The following MAP4K1 variants were observed in gnomAD, a reference collection of about 807,000 sequenced individuals.
The protein encoded by MAP4K1 is MAPK/ERK kinase kinase kinase 1.
In MAP4K1, 35 loss-of-function variants were observed where a neutral mutation model predicts 122.8. That is an observed-to-expected ratio of 0.29 (90% confidence interval 0.22 to 0.38). The LOEUF (loss-of-function observed/expected upper bound fraction) is 0.38. Among genes scored for constraint, MAP4K1 ranks in the 10% least tolerant of loss-of-function variants. The pLI is 1.00. For missense variants in MAP4K1, 791 were observed against 1,072.6 expected (o/e 0.74, Z 3.67); for synonymous variants, 412 against 421.3 (o/e 0.98, Z 0.27).
chr19:38,599,390 G>GGTGGCTCAT (rs1298150484), intron 22 of MAP4K1, among the ~76,000 whole-genome samples: 1 of 149,898 alleles, frequency 6.7e-6, no homozygotes, highest in Non-Finnish European at 1.5e-5. Flanking sequence ...GGCCAGGTGT[G>GGTGGCTCAT]GTGGCTCATG....
Position 38,617,896 on chromosome 19 carries a change from C to A in MAP4K1, c.-1G>T. The stretch of plus-strand genomic sequence containing the variant: ...AAATGTCAGGGTCCACGACGTCCAT[C>A]CCTGGGGGCCTGAGCTGGGCCTGCG... On this transcript the variant is annotated 5_prime_UTR_variant, in exon 1 of 31. Coordinates refer to ENST00000396857, the MANE Select transcript of MAP4K1 (RefSeq NM_001042600.3). This position sits in a 1 kb window ranked among gnomAD's most constrained non-coding sequence, Gnocchi z 4.1. The A allele has an allele frequency of 1.2e-6, 2 of 1,613,842 alleles. No individual in the cohort carries two copies. The highest frequency in any genetic ancestry group is 1.7e-6 in the Non-Finnish European group (2 of 1,179,722).
Position 38,613,919 on chromosome 19 carries a change from G to A in MAP4K1, c.494C>T (p.Thr165Ile). ...AATGAAAGAGAGGCGTCTGGCCAGT[G>A]TAGCCCCAATCTGGGCCGAGATGCC... ...DFGISAQIGA[T>I]LARRLSFIGT... Residue 165 changes from threonine (T) to isoleucine (I), a missense_variant, in exon 8 of 31, where the codon ACA (threonine) becomes ATA (isoleucine). Transcript: ENST00000396857. The A allele has an allele frequency of 6.2e-7, 1 of 1,613,768 alleles. No individual in the cohort carries two copies.
chr19:38,609,564 G>A (rs1196799978), intron 13 of MAP4K1, 32 bp downstream of exon 13: 1 of 1,596,818 alleles, frequency 6.3e-7, no homozygotes, highest in African/African-American at 1.3e-5. Flanking sequence ...TATAGGGTCA[G>A]GTGTCCCCAA....
chr19:38,595,066 C>G (rs1353222523), intron 29 of MAP4K1, among the ~76,000 whole-genome samples: 1 of 152,026 alleles, frequency 6.6e-6, no homozygotes, highest in African/African-American at 2.4e-5. Context: ...GGGTGAATCA[C>G]CCCAGGTCAA....
chr19:38,615,242 G>A (rs1246218275), intron 4 of MAP4K1, among the ~76,000 whole-genome samples: 1 of 151,812 alleles, frequency 6.6e-6, no homozygotes, highest in African/African-American at 2.4e-5. Flanking sequence ...TGGAGGGGGA[G>A]GAGGAAAGTG....
rs1442055418 is a variant in MAP4K1 at position 38,604,731 on chromosome 19, A to C, written c.1446+678T>G. 2.0e-5 allele frequency among the ~76,000 whole-genome samples: 3 copies of C among 150,896 alleles called. No homozygotes were observed. The East Asian group carries it at 5.9e-4, about 30-fold the overall frequency. Reference sequence around the variant, plus strand: ...TGTGAACCTGGGAGGCGGAGCTTGCAGTGAGCCGAGATCGCGCCACTGCAC... The same window carrying C: ...TGTGAACCTGGGAGGCGGAGCTTGCCGTGAGCCGAGATCGCGCCACTGCAC... On this transcript the variant is annotated intron_variant, in intron 19 of 30. Coordinates refer to ENST00000396857, the MANE Select transcript of MAP4K1 (RefSeq NM_001042600.3).
chr19:38,613,743 A>G, intron 8 of MAP4K1, 137 bp downstream of exon 8: 1 of 675,280 alleles, frequency 1.5e-6, no homozygotes, highest in African/African-American at 1.8e-5. Context: ...AGCGACACCC[A>G]GAGAGAATGA....
chr19:38,590,680 G>A lies in MAP4K1; in HGVS notation c.2396+2602C>T, dbSNP rs1376518889. On this transcript the variant is annotated intron_variant, in intron 30 of 30. Coordinates refer to ENST00000396857, the MANE Select transcript of MAP4K1 (RefSeq NM_001042600.3). Reference sequence around the variant, plus strand: ...ACTAGAGGTGGGGTTTCTCCATGTTGGCCAGGCCCATCTCCAACTCCTGAC... The same window carrying A: ...ACTAGAGGTGGGGTTTCTCCATGTTAGCCAGGCCCATCTCCAACTCCTGAC... Among the ~76,000 whole-genome samples the A allele has an allele frequency of 7.3e-5, 11 of 151,538 alleles. No homozygotes were observed. The South Asian group carries it at 1.5e-3, about 20-fold the overall frequency.
chr19:38,595,947 AACACCATC>A lies in MAP4K1; in HGVS notation c.2163_2170del (p.Met722AspfsTer22). 6.2e-7 allele frequency: 1 copy of A among 1,613,916 alleles called. No homozygotes were observed. The highest frequency in any genetic ancestry group is 8.5e-7 in the Non-Finnish European group (1 of 1,179,940). ...GGAAGGAGGGTTCTCACCATCCATC[AACACCATC>A]ACCATATCTTCCTCTACCTGGGTCA... On this transcript the variant is annotated frameshift_variant, in exon 27 of 31. Coordinates refer to ENST00000396857, the MANE Select transcript of MAP4K1 (RefSeq NM_001042600.3). LOFTEE classifies it high-confidence loss of function.
Position 38,595,641 on chromosome 19 carries a change from C to G in MAP4K1, c.2268G>C (p.Val756=). The G allele has an allele frequency of 6.2e-7, 1 of 1,613,756 alleles. No homozygotes were observed. The highest frequency in any genetic ancestry group is 8.5e-7 in the Non-Finnish European group (1 of 1,179,774). Residue 756 remains valine (V), a splice_region_variant and synonymous_variant, in exon 28 of 31, where the codon GTG becomes GTC. Coordinates refer to ENST00000396857, the MANE Select transcript of MAP4K1 (RefSeq NM_001042600.3). ...GGGCTCTCCCGTCCCTGCACAGACC[C>G]ACGGCCTCCACCGCTTCGGTCATGG... ...EIPMTEAVEA[V]AMVGGQLQAF...
intron 20 of MAP4K1, among the ~76,000 whole-genome samples, chr19:38,600,752 T>C (rs186450330): frequency 6.3e-4 from 96 of 151,366 alleles, no homozygotes; most frequent in Non-Finnish European, 1.2e-3. Flanking sequence ...TCCTGGCCCC[T>C]GAATTCCAAT....
chr19:38,596,392 G>A lies in MAP4K1; in HGVS notation c.2036C>T (p.Pro679Leu). Residue 679 changes from proline (P) to leucine (L), a missense_variant, in exon 26 of 31, where the codon CCC becomes CTC. Transcript: ENST00000396857. Reference protein sequence around the residue: ...ELPAVCIGVSPGRPGKSVLFH... With the variant: ...ELPAVCIGVSLGRPGKSVLFH... ...GAGCACCGACTTCCCCGGCCGCCCGGGGCTCACGCCGATGCACACAGCGGG... is the reference window on the plus strand; with the variant it reads ...GAGCACCGACTTCCCCGGCCGCCCGAGGCTCACGCCGATGCACACAGCGGG... 2 of 1,597,472 alleles carry A rather than the reference G, an allele frequency of 1.3e-6. No homozygotes were observed. Among genetic ancestry groups the A allele is most frequent in the Non-Finnish European group, 1.7e-6 (2 of 1,175,290 alleles).
At chr19:38,614,345 G>A (rs925187450) in intron 5 of MAP4K1, 45 bp downstream of exon 5, 1 of 1,613,908 alleles carries the variant, frequency 6.2e-7, no homozygotes, top group East Asian at 2.2e-5. Flanking sequence ...CTGGAGTGGG[G>A]CCACCCTCCC....
At chr19:38,610,065 G>A in intron 11 of MAP4K1, 40 bp from the exon 12 acceptor site, 5 of 1,436,338 alleles carry the variant, frequency 3.5e-6, no homozygotes, top group South Asian at 1.1e-5. Context: ...GAGGGATGGT[G>A]TGGACAGAGA....
chr19:38,605,684 T>C lies in MAP4K1; in HGVS notation c.1247A>G (p.Asp416Gly). 6.2e-7 allele frequency: 1 copy of C among 1,606,428 alleles called. No homozygotes were observed. The highest frequency in any genetic ancestry group is 1.3e-5 in the African/African-American group (1 of 74,446). Reference protein sequence around the residue: ...PSDEGPGSMGDDGQLSPGVLV... With the variant: ...PSDEGPGSMGGDGQLSPGVLV... ...CACCCCCGGGCTCAGCTGCCCATCA[T>C]CCCCCATGCTCCCAGGACCCTCGTC... The change falls in exon 18 of 31, where the codon GAT becomes GGT. Residue 416 changes from aspartate (D) to glycine (G), a missense_variant. Physicochemically the swap from Asp to Gly is moderately conservative, Grantham distance 94. Coordinates refer to ENST00000396857, the MANE Select transcript of MAP4K1 (RefSeq NM_001042600.3).
chr19:38,611,387 G>A (rs1347340543), intron 9 of MAP4K1, 82 bp from the exon 10 acceptor site: 24 of 919,492 alleles, frequency 2.6e-5, no homozygotes, highest in Non-Finnish European at 4.1e-5. Flanking sequence ...TAGTAGCATT[G>A]TGGTCAGCAG....
intron 30 of MAP4K1, among the ~76,000 whole-genome samples, chr19:38,590,431 A>G (rs1974693199): frequency 8.0e-6 from 1 of 124,786 alleles, no homozygotes; most frequent in Non-Finnish European, 1.6e-5. Flanking sequence ...ATATATATAT[A>G]TATATAATCA....
At chr19:38,596,914 A>T in intron 25 of MAP4K1, 120 bp downstream of exon 25, 1 of 919,222 alleles carries the variant, frequency 1.1e-6, no homozygotes, top group Admixed American at 2.2e-5. Flanking sequence ...GGGCCTCGGG[A>T]GATTGGGGCG....
At position 38,608,017 on chromosome 19, in the gene MAP4K1, G is replaced by A. The variant is rs56060067; in HGVS notation, c.1082C>T (p.Pro361Leu). 114 of 1,607,784 alleles carry A rather than the reference G, an allele frequency of 7.1e-5. No homozygotes were observed. In the East Asian group the frequency reaches 2.4e-3, roughly 34 times the overall value. Residue 361 changes from proline to leucine, a missense_variant, in exon 15 of 31, where the codon CCT (proline) becomes CTT (leucine). Physicochemically the swap from Pro to Leu is moderately conservative, Grantham distance 98 (BLOSUM62 -3). Transcript: ENST00000396857. Reference sequence around the variant, plus strand: ...GGGGCTGCTGCTCCTGAGGTCTCGAGGAGGCTGTAGGCGAGCCTGTGGGGT... The same window carrying A: ...GGGGCTGCTGCTCCTGAGGTCTCGAAGAGGCTGTAGGCGAGCCTGTGGGGT... ...PPANTARLQP[P>L]RDLRSSSPRK...
Sources: allele counts gnomAD v4.1 joint callset (sites outside exome capture counted in the v4.1 genomes callset), GRCh38; gene constraint gnomAD v4.1.1; non-coding constraint Gnocchi (gnomAD v3.1); transcripts MANE v1.5; gene names NCBI Gene and HGNC (gene_info 2026-07-23, HGNC 2026-07-21).